Variants in ENOX2 observed in about 807,000 individuals in gnomAD.
ENOX2 encodes APK1 antigen.
In ENOX2, 36 loss-of-function variants were observed where a neutral mutation model predicts 45.0. The ratio of observed to expected loss-of-function variants is 0.80; its 90% CI spans 0.61 to 1.06. The LOEUF (loss-of-function observed/expected upper bound fraction) is 1.06, where lower values mean the gene tolerates loss of function less well. Among genes scored for constraint, ENOX2 ranks in the 50% least tolerant of loss-of-function variants. ENOX2 has a pLI of 0.00. For missense variants in ENOX2, 423 were observed against 462.5 expected (o/e 0.91, Z 0.78); for synonymous variants, 174 against 152.3 (o/e 1.14, Z -1.05).
intron 5 of ENOX2, among the ~76,000 whole-genome samples, chrX:130,680,883 T>G (rs777532036): frequency 2.2e-4 from 25 of 112,430 alleles, no homozygotes; most frequent in Middle Eastern, 4.6e-3. Context: ...TTTGGGAGCC[T>G]CCTTGGGTAT....
At chrX:130,685,567 G>A (rs1258418298) in intron 5 of ENOX2, among the ~76,000 whole-genome samples, 2 of 112,391 alleles carry the variant, frequency 1.8e-5, no homozygotes, top group African/African-American at 3.2e-5. Flanking sequence ...ACAGACATAT[G>A]TTGTTAGGTA....
intron 2 of ENOX2, among the ~76,000 whole-genome samples, chrX:130,881,342 C>T (rs1213237708): frequency 1.8e-5 from 2 of 112,261 alleles, no homozygotes; most frequent in Non-Finnish European, 3.8e-5. Flanking sequence ...AGTTTTTCCA[C>T]AGTGTAATTA....
chrX:130,643,835 G>A (rs1045952465), intron 10 of ENOX2, among the ~76,000 whole-genome samples: 2 of 111,970 alleles, frequency 1.8e-5, no homozygotes, highest in African/African-American at 6.5e-5. Flanking sequence ...TCAAACCACT[G>A]TATATAATTA....
At chrX:130,754,903 C>T (rs2039318194) in intron 3 of ENOX2, among the ~76,000 whole-genome samples, 1 of 112,024 alleles carries the variant, frequency 8.9e-6, no homozygotes, top group Non-Finnish European at 1.9e-5. Flanking sequence ...TTTTAAAAAA[C>T]TACATGCTCA....
chrX:130,733,712 T>A (rs776603261), intron 3 of ENOX2, among the ~76,000 whole-genome samples: 42 of 112,468 alleles, frequency 3.7e-4, no homozygotes, highest in African/African-American at 1.3e-3. Flanking sequence ...ATTGTATGAT[T>A]CCATTTATAT....
chrX:130,859,961 ATT>A (rs201407685), intron 2 of ENOX2, among the ~76,000 whole-genome samples: 9 of 99,873 alleles, frequency 9.0e-5, no homozygotes, highest in African/African-American at 1.1e-4. Flanking sequence ...CTCCGAAACT[ATT>A]TTTTTTTTTT....
intron 2 of ENOX2, among the ~76,000 whole-genome samples, chrX:130,850,818 C>G (rs1035291841): frequency 8.9e-6 from 1 of 112,492 alleles, no homozygotes; most frequent in African/African-American, 3.2e-5. Flanking sequence ...CCCTATTCCA[C>G]TACTAGTGGG....
intron 10 of ENOX2, among the ~76,000 whole-genome samples, chrX:130,638,864 G>A (rs997042816): frequency 1.1e-4 from 12 of 111,626 alleles, no homozygotes; most frequent in African/African-American, 3.3e-4. Context: ...TTGTGTGCCT[G>A]TAATCCCAGC....
In ENOX2 at chrX:130,814,356, G is replaced by C. The variant is rs537379623; in HGVS notation, c.-182-30666C>G. 7.2e-4 allele frequency among the ~76,000 whole-genome samples: 81 copies of C among 112,432 alleles called. 2 individuals are homozygous for C. The highest frequency in any genetic ancestry group is 2.5e-3 in the African/African-American group (77 of 31,000). ...AATGTTCCTGCCTGCTGGCTCTGAA[G>C]ACAGCAGCAGATCTCCCAGCACAGC... On this transcript the variant is annotated intron_variant, in intron 2 of 14. Coordinates refer to ENST00000394363, the MANE Select transcript of ENOX2 (RefSeq NM_006375.4).
chrX:130,652,416 C>T (rs2036427110), intron 10 of ENOX2, among the ~76,000 whole-genome samples: 1 of 111,647 alleles, frequency 9.0e-6, no homozygotes, highest in African/African-American at 3.3e-5. Context: ...ATAATTTTCT[C>T]AGGGCTTCAG....
At chrX:130,707,659 TTC>T (rs756427995) in intron 3 of ENOX2, among the ~76,000 whole-genome samples, 2 of 111,945 alleles carry the variant, frequency 1.8e-5, no homozygotes, top group South Asian at 7.6e-4. Flanking sequence ...TCTCCTACAA[TTC>T]TCTTTCTTAT....
At chrX:130,902,817 A>T (rs1319977510) in intron 1 of ENOX2, among the ~76,000 whole-genome samples, 2 of 99,532 alleles carry the variant, frequency 2.0e-5, no homozygotes, top group African/African-American at 7.3e-5. Context: ...AGTTGGACCA[A>T]AAAAAAAAAA....
chrX:130,884,269 C>T (rs770039544), intron 2 of ENOX2, among the ~76,000 whole-genome samples: 2 of 112,293 alleles, frequency 1.8e-5, no homozygotes, highest in South Asian at 3.7e-4. Context: ...TATAAAGATA[C>T]CATCTTAGAT....
chrX:130,877,396 C>T (rs1010516360), intron 2 of ENOX2, among the ~76,000 whole-genome samples: 2 of 112,023 alleles, frequency 1.8e-5, no homozygotes, highest in African/African-American at 6.5e-5. Context: ...GAATACAAAT[C>T]ATTCCGTACT....
chrX:130,797,157 G>A (rs957457511), intron 2 of ENOX2, among the ~76,000 whole-genome samples: 12 of 111,828 alleles, frequency 1.1e-4, no homozygotes, highest in African/African-American at 3.9e-4. Context: ...CTTAAACACT[G>A]CACAGATTCT....
chrX:130,865,737 TA>T (rs778019844), intron 2 of ENOX2, among the ~76,000 whole-genome samples: 14 of 111,773 alleles, frequency 1.3e-4, no homozygotes, highest in African/African-American at 4.2e-4. Context: ...GGCTGATTTA[TA>T]TCTTCTTCTT....
rs148037924 is a variant in ENOX2 at position 130,809,718 on chromosome X, C to T, written c.-182-26028G>A. The stretch of plus-strand genomic sequence containing the variant: ...CTACAAGTTAAAGTTAAGTCTTCAC[C>T]CCCAAGAAAGTTACAAAATGTGTGT... On this transcript the variant is annotated intron_variant, in intron 2 of 14. Transcript: ENST00000394363. 4.1e-3 allele frequency among the ~76,000 whole-genome samples: 456 copies of T among 110,704 alleles called. 3 individuals are homozygous for T. The highest frequency in any genetic ancestry group is 0.014 in the African/African-American group (439 of 30,438).
intron 4 of ENOX2, among the ~76,000 whole-genome samples, chrX:130,700,406 A>G (rs948777962): frequency 2.7e-5 from 3 of 112,115 alleles, no homozygotes; most frequent in African/African-American, 9.7e-5. Context: ...TGAATTACAT[A>G]CAGGTCAAAG....
At chrX:130,753,848 G>A (rs2039286150) in intron 3 of ENOX2, among the ~76,000 whole-genome samples, 2 of 111,148 alleles carry the variant, frequency 1.8e-5, no homozygotes, top group African/African-American at 6.5e-5. Flanking sequence ...TTGATATACT[G>A]ATTTCTTTTT....
Sources: gnomAD v4.1 joint callset for allele counts (sites outside exome capture counted in the v4.1 genomes callset) on GRCh38, gnomAD v4.1.1 for gene constraint, MANE v1.5 for transcripts, NCBI Gene and HGNC (gene_info 2026-07-23, HGNC 2026-07-21) for gene names.